Variants in GNAQ observed in about 807,000 individuals in gnomAD.
The protein encoded by GNAQ is guanine nucleotide-binding protein G(q) subunit alpha.
Under a neutral mutation model 43.9 loss-of-function variants are expected in GNAQ, and 8 were observed. The ratio of observed to expected loss-of-function variants is 0.18; its 90% CI spans 0.11 to 0.33. The LOEUF (loss-of-function observed/expected upper bound fraction) is 0.33. GNAQ is among the 10% of genes least tolerant of loss of function. GNAQ has a pLI of 1.00. For missense variants in GNAQ, 158 were observed against 450.8 expected, an observed-to-expected ratio of 0.35 and a Z score of 5.88; for synonymous variants, 155 against 170.7, an observed-to-expected ratio of 0.91 and a Z score of 0.71.
At chr9:77,918,366 T>C (rs1400321536) in intron 2 of GNAQ, among the ~76,000 whole-genome samples, 1 of 152,146 alleles carries the variant, frequency 6.6e-6, no homozygotes, top group Non-Finnish European at 1.5e-5. Context: ...ATTTCCAAAA[T>C]AGTTATTTAT....
In GNAQ at chr9:77,784,554, C is replaced by G. The variant is rs1470543291; in HGVS notation, c.735+9909G>C. On this transcript the variant is annotated intron_variant, in intron 5 of 6. Coordinates refer to ENST00000286548, the MANE Select transcript of GNAQ (RefSeq NM_002072.5). ...ATATAATTGAAAAACAAAAAATCTG[C>G]ATGCTAAAATATCCACTTATAAAAT... Among the ~76,000 whole-genome samples the G allele has an allele frequency of 4.6e-5, 7 of 152,208 alleles. No homozygotes were observed. In the East Asian group the frequency reaches 1.4e-3, roughly 29 times the overall value.
chr9:77,907,330 C>A (rs1828725616), intron 2 of GNAQ, among the ~76,000 whole-genome samples: 1 of 151,966 alleles, frequency 6.6e-6, no homozygotes, highest in African/African-American at 2.4e-5. Flanking sequence ...CCCAGCACTG[C>A]CAGATGCATC....
chr9:77,736,349 C>T (rs1825576514), intron 5 of GNAQ, among the ~76,000 whole-genome samples: 1 of 152,232 alleles, frequency 6.6e-6, no homozygotes, highest in Middle Eastern at 3.4e-3. Context: ...AAGACAGGTT[C>T]CTAGCCATTG....
chr9:77,856,845 ATAAG>A (rs1157398568), intron 2 of GNAQ, among the ~76,000 whole-genome samples: 3 of 152,228 alleles, frequency 2.0e-5, no homozygotes, highest in Admixed American at 1.3e-4. Context: ...GTATCATGAA[ATAAG>A]TAAGAGAAAT....
intron 5 of GNAQ, among the ~76,000 whole-genome samples, chr9:77,762,648 A>C (rs1444936566): frequency 6.6e-6 from 1 of 151,550 alleles, no homozygotes; most frequent in Non-Finnish European, 1.5e-5. Context: ...GGTTTTGTGG[A>C]ATAGAAAGCG....
intron 1 of GNAQ, among the ~76,000 whole-genome samples, chr9:77,926,747 C>A (rs911427916): frequency 6.6e-6 from 1 of 152,132 alleles, no homozygotes; most frequent in East Asian, 1.9e-4. Context: ...TTGAAAATAT[C>A]CCCATAAAAG....
intron 1 of GNAQ, among the ~76,000 whole-genome samples, chr9:77,975,018 C>G (rs763824948): frequency 6.6e-6 from 1 of 152,174 alleles, no homozygotes; most frequent in Non-Finnish European, 1.5e-5. Flanking sequence ...CTCAATGGAT[C>G]GACTCAGCCT....
At chr9:77,860,475 G>A (rs1001301895) in intron 2 of GNAQ, among the ~76,000 whole-genome samples, 5 of 152,238 alleles carry the variant, frequency 3.3e-5, no homozygotes, top group African/African-American at 1.2e-4. Context: ...GTGAGGCGGC[G>A]GGGGGATTGT....
In GNAQ at chr9:77,717,336, T is replaced by C. The variant is rs1174449008; in HGVS notation, c.*3987A>G. 1 of 232,392 alleles carries C rather than the reference T, an allele frequency of 4.3e-6. No individual in the cohort carries two copies. The highest frequency in any genetic ancestry group is 8.5e-6 in the Non-Finnish European group (1 of 117,644). 14.4% of individuals were successfully genotyped at this position (232,392 alleles called of 1,614,324 possible). On this transcript the variant is annotated 3_prime_UTR_variant, in exon 7 of 7. Coordinates refer to ENST00000286548, the MANE Select transcript of GNAQ (RefSeq NM_002072.5). ...AGAAGAGCAGCAATATACATTACAA[T>C]ATTTGGGTACACTTTATTTTTATAT...
chr9:78,004,883 GTT>G (rs1368215129), intron 1 of GNAQ, among the ~76,000 whole-genome samples: 1 of 151,924 alleles, frequency 6.6e-6, no homozygotes, highest in African/African-American at 2.4e-5. Flanking sequence ...AAGGAAAAGG[GTT>G]AGTGTCCTCA....
chr9:77,806,635 T>C (rs1399456870), intron 3 of GNAQ, among the ~76,000 whole-genome samples: 1 of 152,212 alleles, frequency 6.6e-6, no homozygotes, highest in Non-Finnish European at 1.5e-5. Context: ...TGGGTTACTC[T>C]GTGCAGACAG....
In GNAQ at chr9:77,912,560, C is replaced by G. The variant is rs115322737; in HGVS notation, c.321+9601G>C. Among the ~76,000 whole-genome samples, 1,200 of 152,196 alleles carry G rather than the reference C, an allele frequency of 7.9e-3. 13 individuals are homozygous for G. Among genetic ancestry groups the G allele is most frequent in the African/African-American group, 0.027 (1,139 of 41,522 alleles). On this transcript the variant is annotated intron_variant, in intron 2 of 6. Coordinates refer to ENST00000286548, the MANE Select transcript of GNAQ (RefSeq NM_002072.5). Reference sequence around the variant, plus strand: ...GGGAAAAAATTATAAACTGGGCTATCTTACCATTGAGAACTTTCACTGAAA... The same window carrying G: ...GGGAAAAAATTATAAACTGGGCTATGTTACCATTGAGAACTTTCACTGAAA...
At chr9:77,728,918 G>A (rs112607595) in intron 5 of GNAQ, among the ~76,000 whole-genome samples, 2,069 of 152,202 alleles carry the variant, frequency 0.014, 45 homozygotes, top group African/African-American at 0.047. Flanking sequence ...TAGCTCTTAC[G>A]GTTGAAAGAG....
intron 5 of GNAQ, among the ~76,000 whole-genome samples, chr9:77,734,144 T>C (rs929553397): frequency 1.3e-5 from 2 of 152,242 alleles, no homozygotes; most frequent in South Asian, 2.1e-4. Context: ...CTCCACCATA[T>C]TGGTGCTTCC....
chr9:77,777,420 T>C (rs918525528), intron 5 of GNAQ, among the ~76,000 whole-genome samples: 10 of 152,004 alleles, frequency 6.6e-5, no homozygotes, highest in Non-Finnish European at 1.3e-4. Context: ...GTGTAAATCT[T>C]TGTCACCCTG....
chr9:77,866,289 C>T (rs1329577440), intron 2 of GNAQ, among the ~76,000 whole-genome samples: 1 of 152,006 alleles, frequency 6.6e-6, no homozygotes, highest in East Asian at 1.9e-4. Flanking sequence ...ACCAGCCTGG[C>T]CAACATGGTG....
intron 5 of GNAQ, among the ~76,000 whole-genome samples, chr9:77,739,854 T>G (rs546857334): frequency 6.6e-6 from 1 of 152,276 alleles, no homozygotes; most frequent in African/African-American, 2.4e-5. Context: ...GGAACTACAC[T>G]GTGAGGATGC....
At chr9:77,820,781 T>G in intron 2 of GNAQ, among the ~76,000 whole-genome samples, 1 of 152,332 alleles carries the variant, frequency 6.6e-6, no homozygotes, top group South Asian at 2.1e-4. Flanking sequence ...CAATAATAAC[T>G]CTGTCATGTA....
intron 3 of GNAQ, among the ~76,000 whole-genome samples, chr9:77,803,633 T>C (rs563177088): frequency 1.2e-4 from 18 of 152,224 alleles, no homozygotes; most frequent in Non-Finnish European, 2.5e-4. Context: ...GATAGGAAGA[T>C]TCATTGGATA....
Sources: gnomAD v4.1 joint callset for allele counts (sites outside exome capture counted in the v4.1 genomes callset) on GRCh38, gnomAD v4.1.1 for gene constraint, MANE v1.5 for transcripts, NCBI Gene and HGNC (gene_info 2026-07-23, HGNC 2026-07-21) for gene names.